The following AKR1C8 variants were observed in gnomAD, a reference collection of about 807,000 sequenced individuals.
AKR1C8 encodes aldo-keto reductase family 1 member C-like protein 1.
chr10:5,169,657 T>C, the AKR1C8 span, among the ~76,000 whole-genome samples: 6 of 151,932 alleles, frequency 3.9e-5, no homozygotes, highest in African/African-American at 1.5e-4. Flanking sequence ...AATCTTACAG[T>C]AACTGAGATT....
the AKR1C8 span, among the ~76,000 whole-genome samples, chr10:5,144,192 G>A: frequency 3.3e-5 from 5 of 152,114 alleles, no homozygotes; most frequent in East Asian, 1.9e-4. Context: ...GTAGATATGC[G>A]GTGTTACTTC....
At chr10:5,162,788 T>C in the AKR1C8 span, 1 of 421,768 alleles carries the variant, frequency 2.4e-6, no homozygotes, top group South Asian at 2.0e-5. Flanking sequence ...GACCATGTTT[T>C]CATTTCAAAA....
At chr10:5,153,997 TAA>T in the AKR1C8 span, 7 of 237,818 alleles carry the variant, frequency 2.9e-5, no homozygotes, top group Admixed American at 4.9e-5. Context: ...ATCTTCTTGT[TAA>T]AGTCTTCATT....
the AKR1C8 span, among the ~76,000 whole-genome samples, chr10:5,138,178 AC>A: frequency 4.6e-5 from 7 of 152,094 alleles, no homozygotes; most frequent in African/African-American, 1.7e-4. Flanking sequence ...GTTTTTCCAC[AC>A]CCTAGTAAGC....
chr10:5,115,949 A>C, the AKR1C8 span, among the ~76,000 whole-genome samples: 2 of 152,112 alleles, frequency 1.3e-5, no homozygotes, highest in Admixed American at 6.6e-5. Flanking sequence ...ACCTTCTTCT[A>C]CTACCCAGTA....
the AKR1C8 span, among the ~76,000 whole-genome samples, chr10:5,151,976 A>C: frequency 6.6e-6 from 1 of 152,302 alleles, no homozygotes; most frequent in African/African-American, 2.4e-5. Context: ...GTTGACCTCA[A>C]GTTGAGGTCT....
the AKR1C8 span, among the ~76,000 whole-genome samples, chr10:5,168,119 A>T: frequency 6.6e-6 from 1 of 152,128 alleles, no homozygotes; most frequent in South Asian, 2.1e-4. Flanking sequence ...TGTTAATTTT[A>T]ATACTATCCA....
the AKR1C8 span, among the ~76,000 whole-genome samples, chr10:5,142,269 G>T: frequency 6.6e-6 from 1 of 152,148 alleles, no homozygotes; most frequent in Non-Finnish European, 1.5e-5. Context: ...AGGGAATGTT[G>T]TGGCTGGTTG....
the AKR1C8 span, among the ~76,000 whole-genome samples, chr10:5,167,473 T>C: frequency 3.9e-5 from 6 of 152,338 alleles, no homozygotes; most frequent in African/African-American, 1.4e-4. Flanking sequence ...TATAAGTTCA[T>C]GTCCTTTGTA....
chr10:5,162,018 T>G, the AKR1C8 span: 2 of 514,150 alleles, frequency 3.9e-6, no homozygotes, highest in Non-Finnish European at 8.0e-6. Flanking sequence ...TTTCACACAT[T>G]TGAGGACAAA....
chr10:5,183,935 C>A, the AKR1C8 span, among the ~76,000 whole-genome samples: 2 of 152,158 alleles, frequency 1.3e-5, no homozygotes, highest in Non-Finnish European at 2.9e-5. Context: ...TTTGTGTAAC[C>A]AACAGACTTC....
the AKR1C8 span, among the ~76,000 whole-genome samples, chr10:5,175,231 T>C: frequency 2.6e-5 from 4 of 151,002 alleles, no homozygotes; most frequent in East Asian, 7.9e-4. Flanking sequence ...CGATGTTTGG[T>C]TTTTTGTCCT....
chr10:5,157,544 T>G, the AKR1C8 span: 1 of 387,350 alleles, frequency 2.6e-6, no homozygotes, highest in Admixed American at 3.0e-5. Context: ...AGCACAGGAA[T>G]GAATGACACG....
chr10:5,126,831 C>G, the AKR1C8 span, among the ~76,000 whole-genome samples: 2 of 151,854 alleles, frequency 1.3e-5, no homozygotes, highest in African/African-American at 4.8e-5. Flanking sequence ...AACCAAGGAA[C>G]TCATATAACT....
chr10:5,177,134 T>G, the AKR1C8 span, among the ~76,000 whole-genome samples: 3 of 152,224 alleles, frequency 2.0e-5, no homozygotes, highest in Non-Finnish European at 2.9e-5. Flanking sequence ...TAGCTCTTAT[T>G]ATTTTGAGAT....
the AKR1C8 span, among the ~76,000 whole-genome samples, chr10:5,131,158 C>G: frequency 6.6e-6 from 1 of 151,920 alleles, no homozygotes; most frequent in African/African-American, 2.4e-5. Context: ...GATACCATCT[C>G]TCCTTATACA....
chr10:5,131,698 T>C, the AKR1C8 span, among the ~76,000 whole-genome samples: 8 of 150,816 alleles, frequency 5.3e-5, no homozygotes, highest in Admixed American at 5.3e-4. Flanking sequence ...ACAGTAGAAG[T>C]TGGCATGAAT....
At chr10:5,130,287 A>T in the AKR1C8 span, among the ~76,000 whole-genome samples, 2 of 152,054 alleles carry the variant, frequency 1.3e-5, no homozygotes, top group Non-Finnish European at 2.9e-5. Flanking sequence ...AATAAAAGCC[A>T]TATATGACAA....
the AKR1C8 span, chr10:5,157,639 A>T: frequency 2.1e-6 from 1 of 471,726 alleles, no homozygotes; most frequent in Middle Eastern, 3.3e-4. Context: ...CTTTACCTGG[A>T]AGTTCTCTTT....
Sources: gnomAD v4.1 joint callset for allele counts (sites outside exome capture counted in the v4.1 genomes callset) on GRCh38, gnomAD v4.1.1 for gene constraint, MANE v1.5 for transcripts, NCBI Gene and HGNC (gene_info 2026-07-23, HGNC 2026-07-21) for gene names.